The following GARNL3 variants were observed in gnomAD, a reference collection of about 807,000 sequenced individuals.
The protein encoded by GARNL3 is GTPase activating Rap/RanGAP domain like 3.
In GARNL3, 63 loss-of-function variants were observed where a neutral mutation model predicts 125.0. The ratio of observed to expected loss-of-function variants is 0.50; its 90% CI spans 0.41 to 0.62. The LOEUF is 0.62. Among genes scored for constraint, GARNL3 ranks in the 20% least tolerant of loss-of-function variants. GARNL3 has a pLI of 0.00. For missense variants in GARNL3, 994 were observed against 1,244.0 expected, an observed-to-expected ratio of 0.80 and a Z score of 3.02; for synonymous variants, 439 against 457.5, an observed-to-expected ratio of 0.96 and a Z score of 0.52.
chr9:127,386,194 C>A (rs2131828161), intron 24 of GARNL3, among the ~76,000 whole-genome samples: 1 of 152,224 alleles, frequency 6.6e-6, no homozygotes, highest in Admixed American at 6.5e-5. Flanking sequence ...TCATTTTTTT[C>A]CAATGTATAT....
intron 1 of GARNL3, among the ~76,000 whole-genome samples, chr9:127,276,249 A>G (rs542431493): frequency 6.6e-6 from 1 of 152,114 alleles, no homozygotes; most frequent in Admixed American, 6.5e-5. Flanking sequence ...TAGCCTCCCA[A>G]GGCAAGGCTG....
At chr9:127,283,073 A>C (rs1170810671) in intron 1 of GARNL3, among the ~76,000 whole-genome samples, 1 of 152,176 alleles carries the variant, frequency 6.6e-6, no homozygotes, top group East Asian at 1.9e-4. Context: ...TGAAACAGTT[A>C]GTTTTGCTGA....
chr9:127,367,418 A>G (rs2131731975), intron 22 of GARNL3: 2 of 152,356 alleles, frequency 1.3e-5, no homozygotes, highest in East Asian at 1.9e-4. Flanking sequence ...AGGAATTTTT[A>G]TCTCAGATAT....
intron 7 of GARNL3, among the ~76,000 whole-genome samples, chr9:127,329,273 T>C (rs1472274551): frequency 6.6e-6 from 1 of 152,160 alleles, no homozygotes; most frequent in African/African-American, 2.4e-5. Context: ...GGATTTCATA[T>C]AATTTATCAT....
At chr9:127,311,189 A>G (rs2065086267) in intron 2 of GARNL3, among the ~76,000 whole-genome samples, 1 of 152,098 alleles carries the variant, frequency 6.6e-6, no homozygotes, top group Non-Finnish European at 1.5e-5. Context: ...TGTATATTCA[A>G]TATAATTTCA....
At chr9:127,381,762 A>G (rs1180899685) in intron 22 of GARNL3, among the ~76,000 whole-genome samples, 10 of 106,172 alleles carry the variant, frequency 9.4e-5, no homozygotes, top group Non-Finnish European at 1.8e-4. Context: ...ACGCCCGGCT[A>G]ATTTTTTTTT....
At chr9:127,278,019 C>T (rs753667848) in intron 1 of GARNL3, among the ~76,000 whole-genome samples, 70 of 152,154 alleles carry the variant, frequency 4.6e-4, no homozygotes, top group Non-Finnish European at 7.9e-4. Flanking sequence ...TGAGTTTTGC[C>T]AAAAATCTCT....
At chr9:127,238,517 C>T (rs1178879942) in intron 1 of GARNL3, among the ~76,000 whole-genome samples, 2 of 152,214 alleles carry the variant, frequency 1.3e-5, no homozygotes, top group East Asian at 3.8e-4. Context: ...CTTCTCAGGG[C>T]TGTCCTCTGT....
At chr9:127,264,667 TGG>T (rs2063662818), upstream of GARNL3, 4 of 1,191,528 alleles carry the variant, frequency 3.4e-6, no homozygotes, top group Non-Finnish European at 4.2e-6. Context: ...CCAGTAACCT[TGG>T]AAATTTCAAT....
chr9:127,366,541 A>C (rs961891185), intron 22 of GARNL3, among the ~76,000 whole-genome samples: 10 of 152,236 alleles, frequency 6.6e-5, no homozygotes, highest in Non-Finnish European at 1.3e-4. Context: ...TCTAAAATAA[A>C]GTATGCTCTT....
At chr9:127,233,535 G>T (rs1382919026) in intron 1 of GARNL3, among the ~76,000 whole-genome samples, 2 of 152,098 alleles carry the variant, frequency 1.3e-5, no homozygotes, top group African/African-American at 2.4e-5. Flanking sequence ...CAGAATTGGG[G>T]TTTCTGTATT....
intron 1 of GARNL3, 131 bp from the exon 2 acceptor site, chr9:127,291,036 TA>T (rs2064399187): frequency 5.9e-6 from 5 of 849,522 alleles, no homozygotes; most frequent in South Asian, 3.4e-5. Context: ...GATAGAGCTT[TA>T]AAAAAACTGT....
At chr9:127,369,828 G>A (rs1347399822) in intron 22 of GARNL3, among the ~76,000 whole-genome samples, 2 of 152,188 alleles carry the variant, frequency 1.3e-5, no homozygotes, top group Non-Finnish European at 2.9e-5. Context: ...TAGTAAGTTT[G>A]TAAGGCCATG....
In GARNL3 at chr9:127,248,079, C is replaced by G. The variant is rs571087313; in HGVS notation, c.143+4830C>G. On this transcript the variant is annotated intron_variant, in intron 2 of 10. Coordinates refer to the GARNL3 transcript ENST00000439286. ...ATAGCCTTCAGAAGCTTTGAAATACCTAGTTTGCTCCTAAGTGTAGGGCTA... is the reference window on the plus strand; with the variant it reads ...ATAGCCTTCAGAAGCTTTGAAATACGTAGTTTGCTCCTAAGTGTAGGGCTA... Among the ~76,000 whole-genome samples the G allele has an allele frequency of 2.0e-5, 3 of 152,270 alleles. No homozygotes were observed. In the East Asian group the frequency reaches 5.8e-4, roughly 29 times the overall value.
intron 1 of GARNL3, 106 bp downstream of exon 1, chr9:127,265,127 G>C: frequency 2.2e-6 from 2 of 911,272 alleles, no homozygotes; most frequent in Non-Finnish European, 3.3e-6. Flanking sequence ...GACCATGTGG[G>C]TACAGTGTAA....
chr9:127,322,892 C>G (rs1026339442), intron 6 of GARNL3, among the ~76,000 whole-genome samples: 1 of 152,178 alleles, frequency 6.6e-6, no homozygotes, highest in Non-Finnish European at 1.5e-5. Flanking sequence ...ATTAAGCTAG[C>G]TTTAAATGGA....
At chr9:127,333,699 A>G (rs1214770627) in intron 9 of GARNL3, among the ~76,000 whole-genome samples, 1 of 152,182 alleles carries the variant, frequency 6.6e-6, no homozygotes, top group Admixed American at 6.5e-5. Flanking sequence ...ACCTTGTGGC[A>G]GAAAAGAACA....
At chr9:127,304,816 C>T (rs2064903859) in intron 2 of GARNL3, among the ~76,000 whole-genome samples, 2 of 152,078 alleles carry the variant, frequency 1.3e-5, no homozygotes, top group Admixed American at 6.6e-5. Flanking sequence ...GGATTACAAG[C>T]GTGAGCCACC....
intron 27 of GARNL3, among the ~76,000 whole-genome samples, chr9:127,391,595 G>A (rs1403418610): frequency 1.4e-5 from 2 of 139,446 alleles, no homozygotes; most frequent in East Asian, 4.1e-4. Context: ...AGTTACTTGG[G>A]AGGCTAAGGT....
Sources: allele counts gnomAD v4.1 joint callset (sites outside exome capture counted in the v4.1 genomes callset), GRCh38; gene constraint gnomAD v4.1.1; transcripts MANE v1.5; gene names NCBI Gene and HGNC (gene_info 2026-07-23, HGNC 2026-07-21).